Variants in ADGRB3 observed in about 807,000 individuals in gnomAD.
The protein encoded by ADGRB3 is adhesion G protein-coupled receptor B3, also known as brain-specific angiogenesis inhibitor 3.
ADGRB3 carries 37 observed loss-of-function variants against 193.4 expected under a neutral mutation model. The ratio of observed to expected loss-of-function variants is 0.19; its 90% confidence interval spans 0.15 to 0.25. The LOEUF is 0.25. ADGRB3 is among the 10% of genes least tolerant of loss of function. The pLI is 1.00. For missense variants in ADGRB3, 1,637 were observed against 1,852.9 expected (o/e 0.88, Z 2.14); for synonymous variants, 690 against 644.2 (o/e 1.07, Z -1.08).
At chr6:69,071,466 G>T (rs1772077858) in intron 16 of ADGRB3, among the ~76,000 whole-genome samples, 1 of 152,122 alleles carries the variant, frequency 6.6e-6, no homozygotes. Flanking sequence ...AGAAGTAAAA[G>T]AAAATAGTGA....
chr6:69,073,258 C>T (rs1352163410), intron 16 of ADGRB3, among the ~76,000 whole-genome samples: 1 of 151,666 alleles, frequency 6.6e-6, no homozygotes, highest in East Asian at 2.0e-4. Flanking sequence ...TAAGACCCCA[C>T]CTCATCAAAG....
intron 27 of ADGRB3, 68 bp downstream of exon 27, chr6:69,354,396 A>G: frequency 5.2e-6 from 7 of 1,348,004 alleles, no homozygotes; most frequent in Non-Finnish European, 7.4e-6. Flanking sequence ...AGAAATCCTT[A>G]TGAGTAAAAT....
intron 3 of ADGRB3, among the ~76,000 whole-genome samples, chr6:68,855,610 G>A (rs1764960289): frequency 6.6e-6 from 1 of 151,860 alleles, no homozygotes; most frequent in Non-Finnish European, 1.5e-5. Flanking sequence ...AATCATTTTT[G>A]TAACACATGT....
At chr6:69,223,444 C>A (rs183400133) in intron 17 of ADGRB3, among the ~76,000 whole-genome samples, 22 of 152,136 alleles carry the variant, frequency 1.4e-4, no homozygotes, top group Admixed American at 1.1e-3. Context: ...TTTGGGGTAG[C>A]CTTGCAGGAA....
intron 3 of ADGRB3, among the ~76,000 whole-genome samples, chr6:68,814,535 A>G (rs1767587110): frequency 6.6e-6 from 1 of 152,156 alleles, no homozygotes; most frequent in East Asian, 1.9e-4. Context: ...TTTGCTGTGC[A>G]GAAGCTCTTC....
At chr6:68,968,403 A>G (rs983210114) in intron 8 of ADGRB3, among the ~76,000 whole-genome samples, 3 of 152,216 alleles carry the variant, frequency 2.0e-5, no homozygotes, top group Non-Finnish European at 4.4e-5. Flanking sequence ...TCATGATACA[A>G]ATTGAATCTT....
chr6:68,870,030 T>G lies in ADGRB3; in HGVS notation c.758-60529T>G, dbSNP rs569187416. Among the ~76,000 whole-genome samples, 338 of 152,330 alleles carry G rather than the reference T, an allele frequency of 2.2e-3. 3 individuals carry two copies. The highest frequency in any genetic ancestry group is 7.6e-3 in the African/African-American group (316 of 41,578). On this transcript the variant is annotated intron_variant, in intron 3 of 31. Coordinates refer to ENST00000370598, the MANE Select transcript of ADGRB3 (RefSeq NM_001704.3). ...TTGATCTCAAGTAGTCCGCCTGCCT[T>G]GGCCTCCCCAAGTGCTGGGATTACA...
In ADGRB3 at chr6:69,198,928, A is replaced by G. The variant is rs1036439457; in HGVS notation, c.2481-34362A>G. On this transcript the variant is annotated intron_variant, in intron 17 of 31. Transcript: ENST00000370598. ...AAATCCAAAAGAAATCTGACCATTT[A>G]ATATGAATCAAGCTCAAGTGCCAGG... Among the ~76,000 whole-genome samples, 5 of 152,132 alleles carry G rather than the reference A, an allele frequency of 3.3e-5. No individual in the cohort carries two copies. In the East Asian group the frequency reaches 5.8e-4, roughly 18 times the overall value.
At chr6:68,926,705 A>G (rs191062608) in intron 3 of ADGRB3, among the ~76,000 whole-genome samples, 1 of 152,274 alleles carries the variant, frequency 6.6e-6, no homozygotes, top group East Asian at 1.9e-4. Context: ...GCTTGTCTGT[A>G]TGTTTAAAAA....
At chr6:69,112,703 T>C (rs1773401923) in intron 17 of ADGRB3, among the ~76,000 whole-genome samples, 1 of 152,052 alleles carries the variant, frequency 6.6e-6, no homozygotes, top group Non-Finnish European at 1.5e-5. Flanking sequence ...AAAAACAATA[T>C]AGTATGACTA....
intron 17 of ADGRB3, chr6:69,232,439 G>A (rs1766164149): frequency 6.7e-7 from 1 of 1,494,842 alleles, no homozygotes; most frequent in Non-Finnish European, 8.9e-7. Context: ...CTACACCAAA[G>A]AGAAAATTGA....
rs751146352 is a variant in ADGRB3, at chr6:68,956,087, C to T, written c.1259C>T (p.Thr420Ile). Residue 420 changes from threonine (T) to isoleucine (I), a missense_variant, in exon 7 of 32, where the codon ACT (threonine) becomes ATT (isoleucine). Around this residue, in one of 7 missense-constraint regions of ADGRB3, gnomAD observed 641 missense variants for 673.9 expected, o/e 0.95. Coordinates refer to ENST00000370598, the MANE Select transcript of ADGRB3 (RefSeq NM_001704.3). ...SQCSVTCSNG[T>I]QQRSRQCTAA... Reference sequence around the variant, plus strand: ...TGCTCAGTAACGTGCTCGAATGGGACTCAGCAGAGAAGCCGGCAGTGCACT... The same window carrying T: ...TGCTCAGTAACGTGCTCGAATGGGATTCAGCAGAGAAGCCGGCAGTGCACT... 2.5e-6 allele frequency: 4 copies of T among 1,613,864 alleles called. No individual in the cohort carries two copies. The African/African-American group carries it at 5.3e-5, about 22-fold the overall frequency.
chr6:68,771,544 A>G (rs1336217096), intron 3 of ADGRB3, among the ~76,000 whole-genome samples: 2 of 152,122 alleles, frequency 1.3e-5, no homozygotes, highest in Admixed American at 6.6e-5. Context: ...ATGAATATTT[A>G]TTACCTACTG....
chr6:69,241,404 G>GTTTTCCC (rs1766382574), intron 20 of ADGRB3, among the ~76,000 whole-genome samples: 2 of 151,808 alleles, frequency 1.3e-5, no homozygotes, highest in African/African-American at 4.8e-5. Context: ...AGAATCTGGA[G>GTTTTCCC]TATATTTTAT....
intron 17 of ADGRB3, among the ~76,000 whole-genome samples, chr6:69,177,040 A>T (rs1438570976): frequency 6.6e-6 from 1 of 152,138 alleles, no homozygotes; most frequent in Non-Finnish European, 1.5e-5. Context: ...CTTAGCTAGC[A>T]ATCTGTCGAT....
intron 13 of ADGRB3, among the ~76,000 whole-genome samples, chr6:69,028,503 G>A (rs3799017): frequency 0.43 from 64,627 of 151,832 alleles, 14,422 homozygotes; most frequent in African/African-American, 0.47. Flanking sequence ...CTTTAATGTC[G>A]AAAACACTGA....
intron 3 of ADGRB3, among the ~76,000 whole-genome samples, chr6:68,842,786 C>G (rs1341702335): frequency 1.3e-5 from 2 of 151,886 alleles, no homozygotes; most frequent in Non-Finnish European, 2.9e-5. Flanking sequence ...TACTCGCAAA[C>G]AATACACTCA....
chr6:69,227,889 G>C (rs1288913653), intron 17 of ADGRB3, among the ~76,000 whole-genome samples: 1 of 152,184 alleles, frequency 6.6e-6, no homozygotes, highest in Non-Finnish European at 1.5e-5. Context: ...CTAAAGGACT[G>C]CAAATGAATT....
intron 20 of ADGRB3, among the ~76,000 whole-genome samples, chr6:69,254,088 T>A (rs1415924870): frequency 6.6e-6 from 1 of 152,176 alleles, no homozygotes; most frequent in Non-Finnish European, 1.5e-5. Context: ...AGGACCAGAA[T>A]GTATGCCAAG....
Sources: allele counts gnomAD v4.1 joint callset (sites outside exome capture counted in the v4.1 genomes callset), GRCh38; gene constraint gnomAD v4.1.1; regional missense constraint gnomAD v4.1.1; transcripts MANE v1.5; gene names NCBI Gene and HGNC (gene_info 2026-07-23, HGNC 2026-07-21).